The following NOP58 variants were observed in gnomAD, a reference collection of about 807,000 sequenced individuals.
The protein encoded by NOP58 is nucleolar protein 58.
NOP58 carries 44 observed loss-of-function variants against 71.2 expected under a neutral mutation model. That is an observed-to-expected ratio of 0.62 (90% CI 0.49 to 0.79). The LOEUF (loss-of-function observed/expected upper bound fraction) is 0.79. NOP58 is among the 30% of genes least tolerant of loss of function. NOP58 has a pLI of 0.00. For missense variants in NOP58, 538 were observed against 620.2 expected (o/e 0.87, Z 1.41); for synonymous variants, 228 against 200.3 (o/e 1.14, Z -1.17).
intron 6 of NOP58, 124 bp downstream of exon 6, chr2:202,287,848 A>G (rs552160624): frequency 1.3e-6 from 1 of 746,224 alleles, no homozygotes; most frequent in South Asian, 1.7e-5. Flanking sequence ...GTGGTGGCTC[A>G]AGCCTTTAAT....
chr2:202,287,969 A>C (rs1371970897), intron 6 of NOP58, among the ~76,000 whole-genome samples: 3 of 151,978 alleles, frequency 2.0e-5, no homozygotes, highest in Non-Finnish European at 1.5e-5. Flanking sequence ...AAAAAATTAA[A>C]TGTGCATGGT....
intron 1 of NOP58, among the ~76,000 whole-genome samples, chr2:202,272,631 C>T (rs1022556583): frequency 6.6e-6 from 1 of 152,146 alleles, no homozygotes; most frequent in African/African-American, 2.4e-5. Flanking sequence ...CCAGAGACAC[C>T]TCACCAAGTC....
chr2:202,277,200 T>C (rs1370162095), intron 2 of NOP58, among the ~76,000 whole-genome samples: 1 of 151,214 alleles, frequency 6.6e-6, no homozygotes, highest in Non-Finnish European at 1.5e-5. Context: ...GGCAGGAGAA[T>C]GGCATGAGGC....
In NOP58 at chr2:202,292,915, A is replaced by C. The variant is rs1688928217; in HGVS notation, c.907+12A>C. ...TATTGCTCATGCAGGTGATGGTTTTAATGTAATTTGTAAATATGAGTGTTT... is the reference window on the plus strand; with the variant it reads ...TATTGCTCATGCAGGTGATGGTTTTCATGTAATTTGTAAATATGAGTGTTT... On this transcript the variant is annotated intron_variant, in intron 9 of 14. Coordinates refer to ENST00000264279, the MANE Select transcript of NOP58 (RefSeq NM_015934.5). 1 of 1,613,724 alleles carries C rather than the reference A, an allele frequency of 6.2e-7. No individual in the cohort carries two copies.
chr2:202,298,907 C>G (rs1403204338), intron 12 of NOP58, among the ~76,000 whole-genome samples: 1 of 147,012 alleles, frequency 6.8e-6, no homozygotes, highest in East Asian at 2.0e-4. Flanking sequence ...TGTTCCTAGT[C>G]ATTAACCCAA....
At chr2:202,282,608 A>G in intron 4 of NOP58, 136 bp downstream of exon 4, 1 of 791,898 alleles carries the variant, frequency 1.3e-6, no homozygotes, top group Non-Finnish European at 1.9e-6. Context: ...CTACATGATA[A>G]TGGATTTCCC....
At chr2:202,300,398 TATACTC>T in intron 13 of NOP58, 31 bp downstream of exon 13, 1 of 1,539,232 alleles carries the variant, frequency 6.5e-7, no homozygotes, top group Middle Eastern at 1.7e-4. Flanking sequence ...TAACACAACT[TATACTC>T]ACTTCTTTAG....
intron 1 of NOP58, among the ~76,000 whole-genome samples, chr2:202,273,621 A>G (rs1688543435): frequency 6.6e-6 from 1 of 152,194 alleles, no homozygotes; most frequent in African/African-American, 2.4e-5. Context: ...TAACAGGTAA[A>G]AATTAAATGT....
chr2:202,265,913 G>A lies in NOP58; in HGVS notation c.-29G>A, dbSNP rs771593608. 1 of 1,614,100 alleles carries A rather than the reference G, an allele frequency of 6.2e-7. No homozygotes were observed. Among genetic ancestry groups the A allele is most frequent in the South Asian group, 1.1e-5 (1 of 91,084 alleles). Reference sequence around the variant, plus strand: ...GAACTGACTCTACAGCTTCTGGCAGGCCGTGCGGCGCCCTGACCCGGCCTC... The same window carrying A: ...GAACTGACTCTACAGCTTCTGGCAGACCGTGCGGCGCCCTGACCCGGCCTC... On this transcript the variant is annotated 5_prime_UTR_variant, in exon 1 of 15. Transcript: ENST00000264279.
At chr2:202,267,509 C>T (rs1173243175) in intron 1 of NOP58, among the ~76,000 whole-genome samples, 2 of 152,164 alleles carry the variant, frequency 1.3e-5, no homozygotes, top group East Asian at 1.9e-4. Flanking sequence ...TAAGTAAGCT[C>T]CTTAGTCCCC....
chr2:202,266,147 G>A (rs949421649), intron 1 of NOP58, among the ~76,000 whole-genome samples, 161 bp downstream of exon 1: 6 of 152,142 alleles, frequency 3.9e-5, no homozygotes, highest in Non-Finnish European at 7.4e-5. Context: ...GCCATGTTAC[G>A]TGTAACACGT....
At chr2:202,286,864 TCCTATAATGCACAGGGCAG>T (rs1239899773) in intron 5 of NOP58, among the ~76,000 whole-genome samples, 1 of 152,156 alleles carries the variant, frequency 6.6e-6, no homozygotes, top group African/African-American at 2.4e-5. Context: ...CTGCTAAAGG[TCCTATAATGCACAGGGCAG>T]CCTGTACAAC....
At chr2:202,300,698 TAAG>T (rs1689076204) in intron 13 of NOP58, among the ~76,000 whole-genome samples, 2 of 152,224 alleles carry the variant, frequency 1.3e-5, no homozygotes, top group African/African-American at 4.8e-5. Flanking sequence ...GTTTTATAGT[TAAG>T]AATGAATACA....
At chr2:202,289,128 GAAAAA>G (rs946540678) in intron 6 of NOP58, among the ~76,000 whole-genome samples, 5 of 144,678 alleles carry the variant, frequency 3.5e-5, no homozygotes, top group Admixed American at 6.9e-5. Flanking sequence ...TCCAAAAAAA[GAAAAA>G]AAAAAGCGCT....
rs181726880 is a variant in NOP58, at chr2:202,271,624, G to A, written c.46-3489G>A. Reference sequence around the variant, plus strand: ...AATTTTGTGAAATAGAGTATGCACAGATATTATGCATATATTTTTATTTAA... The same window carrying A: ...AATTTTGTGAAATAGAGTATGCACAAATATTATGCATATATTTTTATTTAA... On this transcript the variant is annotated intron_variant, in intron 1 of 14. Transcript: ENST00000264279. Among the ~76,000 whole-genome samples, 77 of 152,050 alleles carry A rather than the reference G, an allele frequency of 5.1e-4. 1 individual carries two copies. In the East Asian group the frequency reaches 8.5e-3, roughly 17 times the overall value.
chr2:202,290,291 AGTTTT>A (rs1574385039), intron 6 of NOP58, 27 bp from the exon 7 acceptor site: 12 of 1,530,236 alleles, frequency 7.8e-6, no homozygotes, highest in African/African-American at 1.7e-5. Context: ...AATCCCTTTA[AGTTTT>A]GTTTGTTTGT....
chr2:202,292,026 G>T (rs112373260), intron 8 of NOP58, among the ~76,000 whole-genome samples: 6,141 of 111,468 alleles, frequency 0.055, 210 homozygotes, highest in Middle Eastern at 0.082. Context: ...TCACCCTGTA[G>T]CCCAGGCTGG....
chr2:202,297,929 G>T, intron 12 of NOP58, 23 bp downstream of exon 12: 1 of 1,405,480 alleles, frequency 7.1e-7, no homozygotes. Context: ...AAGTGAGGAT[G>T]GGGTGAATAG....
intron 1 of NOP58, among the ~76,000 whole-genome samples, chr2:202,273,867 C>T (rs1035367277): frequency 6.6e-6 from 1 of 151,328 alleles, no homozygotes; most frequent in Non-Finnish European, 1.5e-5. Flanking sequence ...CGCTTGAACC[C>T]GGGAGGCGGA....
Sources: gnomAD v4.1 joint callset for allele counts (sites outside exome capture counted in the v4.1 genomes callset) on GRCh38, gnomAD v4.1.1 for gene constraint, MANE v1.5 for transcripts, NCBI Gene and HGNC (gene_info 2026-07-23, HGNC 2026-07-21) for gene names.